THTPA: variants seen among roughly 807,000 people sequenced by gnomAD.
THTPA encodes thiamine-triphosphatase.
In THTPA, 16 loss-of-function variants were observed where a neutral mutation model predicts 16.5. The ratio of observed to expected loss-of-function variants is 0.97; its 90% CI spans 0.66 to 1.47. The LOEUF (loss-of-function observed/expected upper bound fraction) is 1.47. THTPA is among the 40% of genes most tolerant of loss of function. THTPA has a pLI of 0.00. For missense variants in THTPA, 281 were observed against 280.9 expected (o/e 1.00, Z 0.00); for synonymous variants, 110 against 115.5 (o/e 0.95, Z 0.30).
the THTPA span, chr14:23,527,501 G>A: frequency 7.0e-7 from 1 of 1,425,478 alleles, no homozygotes; most frequent in Non-Finnish European, 9.5e-7. Flanking sequence ...AATGCCCCCT[G>A]CCCCCAACAC....
At chr14:23,521,517 A>C in the THTPA span, 1 of 155,552 alleles carries the variant, frequency 6.4e-6, no homozygotes, top group African/African-American at 2.4e-5. Flanking sequence ...TTCTTTTTCA[A>C]AATTTTTTGG....
At chr14:23,530,064 G>A in the THTPA span, 1 of 1,439,326 alleles carries the variant, frequency 6.9e-7, no homozygotes, top group South Asian at 1.2e-5. Flanking sequence ...TTACTGCAAG[G>A]TCCCGTGAGC....
At chr14:23,557,335 C>T (rs1264676340) in intron 1 of THTPA, 31 bp downstream of exon 1, 2 of 1,532,574 alleles carry the variant, frequency 1.3e-6, no homozygotes, top group East Asian at 4.6e-5. Flanking sequence ...TGTGCTTTTC[C>T]TGCTCCCCAC....
At chr14:23,528,662 G>A in the THTPA span, 1 of 985,302 alleles carries the variant, frequency 1.0e-6, no homozygotes, top group South Asian at 4.7e-5. Context: ...TCCTCCCTCA[G>A]GCTCAGCAGC....
Position 23,560,034 on chromosome 14 carries a change from A to G in THTPA, c.*1194A>G, listed in dbSNP as rs2139038542. 1 of 1,599,642 alleles carries G rather than the reference A, an allele frequency of 6.3e-7. No individual in the cohort carries two copies. Among genetic ancestry groups the G allele is most frequent in the African/African-American group, 1.3e-5 (1 of 74,682 alleles). ...TGGGGGCCTGCAGCTGCAGCTGGAG[A>G]CTCTGAACACAGGAGTTTAACAGAG... On this transcript the variant is annotated 3_prime_UTR_variant, in exon 2 of 2. Coordinates refer to ENST00000288014, the MANE Select transcript of THTPA (RefSeq NM_024328.6).
chr14:23,524,365 G>A, the THTPA span: 2 of 1,536,148 alleles, frequency 1.3e-6, no homozygotes, highest in Admixed American at 2.0e-5. The surrounding 1 kb of genome is among the most constrained non-coding windows in gnomAD (Gnocchi z 5.6). Context: ...TGGTGCGCAG[G>A]CGCTTGTCCC....
At chr14:23,549,458 T>TATC in the THTPA span, among the ~76,000 whole-genome samples, 2 of 152,176 alleles carry the variant, frequency 1.3e-5, no homozygotes, top group Non-Finnish European at 2.9e-5. Context: ...CCAGATCCTT[T>TATC]ATCCACCCTT....
At chr14:23,530,029 GCA>G in the THTPA span, 1 of 1,295,990 alleles carries the variant, frequency 7.7e-7, no homozygotes, top group South Asian at 1.3e-5. Flanking sequence ...TGCTCCTTGA[GCA>G]CAGACATTGC....
At chr14:23,543,143 T>C in the THTPA span, 2 of 152,252 alleles carry the variant, frequency 1.3e-5, no homozygotes, top group South Asian at 2.1e-4. Context: ...CTAATTGTAA[T>C]AATAGTAAAT....
chr14:23,534,492 G>C, the THTPA span: 1 of 1,536,244 alleles, frequency 6.5e-7, no homozygotes, highest in South Asian at 1.2e-5. The surrounding 1 kb of genome is among the most constrained non-coding windows in gnomAD (Gnocchi z 4.5). Context: ...CTCCCTCCTG[G>C]AGTACAGCTG....
At chr14:23,529,775 A>G in the THTPA span, 9 of 1,536,112 alleles carry the variant, frequency 5.9e-6, no homozygotes, top group Admixed American at 1.4e-4. Flanking sequence ...GAAGCTGAGG[A>G]TGAAAGAAGA....
the THTPA span, chr14:23,535,125 G>A: frequency 1.3e-6 from 2 of 1,536,028 alleles, no homozygotes; most frequent in Non-Finnish European, 8.7e-7. This position sits in a 1 kb window ranked among gnomAD's most constrained non-coding sequence, Gnocchi z 4.5. Flanking sequence ...TTGGTGGGAC[G>A]AGGCCACAGC....
chr14:23,534,989 G>A, the THTPA span: 2 of 1,536,160 alleles, frequency 1.3e-6, no homozygotes, highest in Non-Finnish European at 1.7e-6. This position sits in a 1 kb window ranked among gnomAD's most constrained non-coding sequence, Gnocchi z 4.5. Context: ...AAGAATAAGT[G>A]GTTGCTTAGG....
At chr14:23,558,607 C>T in intron 1 of THTPA, 88 bp from the exon 2 acceptor site, 1 of 1,544,884 alleles carries the variant, frequency 6.5e-7, no homozygotes, top group South Asian at 1.2e-5. Flanking sequence ...TGGAAACATC[C>T]ACGGAGTCCT....
At chr14:23,527,625 G>A in the THTPA span, 17 of 1,536,546 alleles carry the variant, frequency 1.1e-5, no homozygotes, top group East Asian at 2.4e-4. Flanking sequence ...GCTTCTCAAC[G>A]CACTCGGGCA....
chr14:23,535,068 T>G, the THTPA span: 1 of 1,536,240 alleles, frequency 6.5e-7, no homozygotes, highest in Non-Finnish European at 8.7e-7. The surrounding 1 kb of genome is among the most constrained non-coding windows in gnomAD (Gnocchi z 4.5). Context: ...GGTCATTTGG[T>G]GGGAAGTGAC....
At chr14:23,552,826 T>C (rs545230813), upstream of THTPA, among the ~76,000 whole-genome samples, 5 of 152,212 alleles carry the variant, frequency 3.3e-5, no homozygotes, top group South Asian at 1.0e-3. Flanking sequence ...GGTCTCGAAC[T>C]CCTGACCTCA....
chr14:23,525,858 G>A, the THTPA span: 1 of 1,456,678 alleles, frequency 6.9e-7, no homozygotes, highest in Non-Finnish European at 9.0e-7. This position sits in a 1 kb window ranked among gnomAD's most constrained non-coding sequence, Gnocchi z 5.9. Context: ...AGGAGCAGCT[G>A]CTGCTGCTGG....
the THTPA span, chr14:23,534,743 G>C: frequency 6.5e-7 from 1 of 1,536,190 alleles, no homozygotes; most frequent in South Asian, 1.2e-5. The surrounding 1 kb of genome is among the most constrained non-coding windows in gnomAD (Gnocchi z 4.5). Flanking sequence ...GCCGGAGATG[G>C]TGCTGAGGTA....
Sources: allele counts gnomAD v4.1 joint callset (sites outside exome capture counted in the v4.1 genomes callset), GRCh38; gene constraint gnomAD v4.1.1; non-coding constraint Gnocchi (gnomAD v3.1); transcripts MANE v1.5; gene names NCBI Gene and HGNC (gene_info 2026-07-23, HGNC 2026-07-21).